The following HELQ variants were observed in gnomAD, a reference collection of about 807,000 sequenced individuals.
HELQ encodes helicase POLQ-like.
A neutral mutation model predicts 111.6 loss-of-function variants in HELQ; 77 were observed. The observed-to-expected ratio is 0.69, with a 90% confidence interval of 0.57 to 0.83. The LOEUF is 0.83. HELQ is among the 40% of genes least tolerant of loss of function. The pLI, the probability that HELQ is intolerant of heterozygous loss-of-function variation, is 0.00. For synonymous variants in HELQ, 438 were observed against 454.7 expected (o/e 0.96, Z 0.47); for missense variants, 1,200 against 1,288.5 (o/e 0.93, Z 1.05).
At chr4:83,411,617 A>G (rs1008370204) in intron 17 of HELQ, among the ~76,000 whole-genome samples, 16 of 151,036 alleles carry the variant, frequency 1.1e-4, no homozygotes, top group Admixed American at 4.0e-4. Flanking sequence ...ATAAATAAAT[A>G]AATAAATAAA....
Position 83,424,362 on chromosome 4 carries a change from C to G in HELQ, c.2775+1632G>C, listed in dbSNP as rs184748196. On this transcript the variant is annotated intron_variant, in intron 14 of 17. Transcript: ENST00000295488. ...CATTTTGAAGGTCTAAACAGCATAG[C>G]CATTTCCAAAGTAAAAGACCCAATC... Among the ~76,000 whole-genome samples, 338 of 152,224 alleles carry G rather than the reference C, an allele frequency of 2.2e-3. 2 individuals carry two copies. The highest frequency in any genetic ancestry group is 3.9e-3 in the Non-Finnish European group (264 of 68,012).
chr4:83,424,139 C>A (rs1253677960), intron 14 of HELQ, among the ~76,000 whole-genome samples: 1 of 152,020 alleles, frequency 6.6e-6, no homozygotes. Context: ...ATCAATTTGG[C>A]AAATATTTGT....
intron 9 of HELQ, among the ~76,000 whole-genome samples, chr4:83,436,309 ATTTTTT>A (rs1028595901): frequency 6.6e-6 from 1 of 152,120 alleles, no homozygotes; most frequent in South Asian, 2.1e-4. Flanking sequence ...GAAAATACAT[ATTTTTT>A]TAAACACTCA....
intron 8 of HELQ, 103 bp from the exon 9 acceptor site, chr4:83,437,200 A>G: frequency 3.6e-6 from 4 of 1,100,836 alleles, no homozygotes; most frequent in Non-Finnish European, 5.2e-6. Flanking sequence ...TCTTTAATGT[A>G]CTATTTCCAT....
intron 9 of HELQ, among the ~76,000 whole-genome samples, chr4:83,434,044 TA>T (rs896388204): frequency 4.8e-5 from 7 of 147,064 alleles, no homozygotes; most frequent in African/African-American, 1.3e-4. Context: ...TTCTTAGAAA[TA>T]AAAAAAAATT....
intron 2 of HELQ, among the ~76,000 whole-genome samples, chr4:83,449,926 C>A (rs1721258509): frequency 6.7e-6 from 1 of 148,150 alleles, no homozygotes; most frequent in African/African-American, 2.5e-5. Context: ...TGGGGAAAAA[C>A]AGCCATTTTC....
chr4:83,421,750 A>G lies in HELQ; in HGVS notation c.2776-14T>C, dbSNP rs375257525. On this transcript the variant is annotated splice_polypyrimidine_tract_variant and intron_variant, in intron 14 of 17. Coordinates refer to ENST00000295488, the MANE Select transcript of HELQ (RefSeq NM_133636.5). Reference sequence around the variant, plus strand: ...CTTGTCCACCTTCTAGAAAGACACAATCAAATAAATTCGTTTACTAGACCT... The same window carrying G: ...CTTGTCCACCTTCTAGAAAGACACAGTCAAATAAATTCGTTTACTAGACCT... The G allele has an allele frequency of 3.1e-6, 5 of 1,606,572 alleles. No individual in the cohort carries two copies. In the African/African-American group the frequency reaches 4.0e-5, roughly 13 times the overall value.
rs776382613 is a variant in HELQ, at chr4:83,448,926, G to C, written c.1048C>G (p.Gln350Glu). The change falls in exon 3 of 18, where the codon CAA (glutamine) becomes GAA (glutamate). Residue 350 changes from glutamine (Q) to glutamate (E), a missense_variant. Transcript: ENST00000295488. ...QHTCLTLNSV[Q>E]ERKNLIYSLP... ...GAATATATTAAATTTTTTCTTTCTT[G>C]CACAGAATTCAATGTTAAACAAGTA... 2 of 1,609,258 alleles carry C rather than the reference G, an allele frequency of 1.2e-6. No individual in the cohort carries two copies. The highest frequency in any genetic ancestry group is 1.7e-6 in the Non-Finnish European group (2 of 1,177,210).
At chr4:83,446,808 T>G (rs900020666) in intron 4 of HELQ, 27 bp downstream of exon 4, 1 of 1,389,588 alleles carries the variant, frequency 7.2e-7, no homozygotes, top group East Asian at 2.3e-5. Context: ...ATAAAAATAT[T>G]GACAAATTAC....
In HELQ at chr4:83,431,734, C is replaced by A. The variant is rs374570294; in HGVS notation, c.2225G>T (p.Cys742Phe). 22 of 1,538,632 alleles carry A rather than the reference C, an allele frequency of 1.4e-5. No individual in the cohort carries two copies. Among genetic ancestry groups the A allele is most frequent in the Non-Finnish European group, 1.8e-5 (21 of 1,139,728 alleles). The stretch of plus-strand genomic sequence containing the variant: ...GAATTCCTGAACAAGATGGCTGTAA[C>A]AGTTTTCCAATGGTTTAGTTATTAA... Reference protein sequence around the residue: ...LELITKPLENCYSHLVQEFTK... With the variant: ...LELITKPLENFYSHLVQEFTK... The change falls in exon 11 of 18, where the codon TGT becomes TTT. Residue 742 changes from cysteine (C) to phenylalanine (F), a missense_variant. Cys to Phe is a radical substitution (Grantham distance 205). This residue lies in a region of HELQ where 585 missense variants were observed against 665.3 expected (regional missense o/e 0.88). Transcript: ENST00000295488.
chr4:83,446,801 A>C, intron 4 of HELQ, 34 bp downstream of exon 4: 1 of 1,319,464 alleles, frequency 7.6e-7, no homozygotes, highest in South Asian at 1.3e-5. Flanking sequence ...TAGTATAATA[A>C]AAATATTGAC....
intron 8 of HELQ, among the ~76,000 whole-genome samples, chr4:83,437,447 C>CA (rs796488018): frequency 2.6e-5 from 4 of 151,878 alleles, no homozygotes; most frequent in African/African-American, 9.7e-5. Flanking sequence ...ACCACCTCTA[C>CA]AAAAAATAAC....
At position 83,421,558 on chromosome 4, in the gene HELQ, A is replaced by G. The variant is rs1739684193; in HGVS notation, c.2949+5T>C. Reference sequence around the variant, plus strand: ...AAGTACATATCATATATTCAATGAAATTACCTCACAGAAATGTAACACACA... The same window carrying G: ...AAGTACATATCATATATTCAATGAAGTTACCTCACAGAAATGTAACACACA... On this transcript the variant is annotated splice_donor_5th_base_variant and intron_variant, in intron 15 of 17. Transcript: ENST00000295488. 5 of 1,608,004 alleles carry G rather than the reference A, an allele frequency of 3.1e-6. No homozygotes were observed. The highest frequency in any genetic ancestry group is 1.7e-5 in the Admixed American group (1 of 59,108).
intron 5 of HELQ, 30 bp from the exon 6 acceptor site, chr4:83,443,644 G>T: frequency 9.9e-7 from 1 of 1,012,242 alleles, no homozygotes; most frequent in Non-Finnish European, 1.5e-6. Context: ...AAGCCAAAGT[G>T]TTAAGGAAAA....
chr4:83,454,318 T>C (rs1247970275), intron 1 of HELQ, among the ~76,000 whole-genome samples: 1 of 152,182 alleles, frequency 6.6e-6, no homozygotes, highest in Non-Finnish European at 1.5e-5. Context: ...TGTAAATAGA[T>C]ATCTTACAGC....
chr4:83,450,409 C>A (rs912950922), intron 2 of HELQ, among the ~76,000 whole-genome samples: 7 of 150,492 alleles, frequency 4.7e-5, no homozygotes, highest in Admixed American at 2.7e-4. Context: ...TTACAAGTAA[C>A]TTTAACTTAT....
At chr4:83,428,372 G>A (rs1719955095) in intron 12 of HELQ, among the ~76,000 whole-genome samples, 1 of 151,594 alleles carries the variant, frequency 6.6e-6, no homozygotes, top group South Asian at 2.1e-4. Flanking sequence ...CTCAGCCTGG[G>A]CACCATCGTG....
chr4:83,411,309 TA>T (rs1458101727), intron 17 of HELQ, among the ~76,000 whole-genome samples: 1 of 151,740 alleles, frequency 6.6e-6, no homozygotes, highest in Non-Finnish European at 1.5e-5. Flanking sequence ...TTTTTTTTTT[TA>T]AATTTAGAGA....
chr4:83,443,184 T>C (rs1435419430), intron 6 of HELQ, among the ~76,000 whole-genome samples: 1 of 152,076 alleles, frequency 6.6e-6, no homozygotes, highest in Non-Finnish European at 1.5e-5. Flanking sequence ...TCAAAACATG[T>C]CTCACTAAAA....
Sources: allele counts gnomAD v4.1 joint callset (sites outside exome capture counted in the v4.1 genomes callset), GRCh38; gene constraint gnomAD v4.1.1; regional missense constraint gnomAD v4.1.1; transcripts MANE v1.5; gene names NCBI Gene and HGNC (gene_info 2026-07-23, HGNC 2026-07-21).